CENPW: variants seen among roughly 807,000 people sequenced by gnomAD.
CENPW encodes centromere protein W, also known as cancer-up-regulated gene 2 protein.
CENPW carries 3 observed loss-of-function variants against 11.1 expected under a neutral mutation model. The observed-to-expected ratio is 0.27, with a 90% CI of 0.12 to 0.70. CENPW has a LOEUF of 0.70. Ranked by LOEUF, CENPW falls within the 30% of genes least tolerant of loss-of-function variation. The pLI, the probability that CENPW is intolerant of heterozygous loss-of-function variation, is 0.77. For missense variants in CENPW, 100 were observed against 105.6 expected, an observed-to-expected ratio of 0.95 and a Z score of 0.23; for synonymous variants, 38 against 42.0, an observed-to-expected ratio of 0.91 and a Z score of 0.37.
the CENPW span, among the ~76,000 whole-genome samples, chr6:126,378,261 A>G: frequency 1.3e-5 from 2 of 152,172 alleles, no homozygotes; most frequent in Admixed American, 1.3e-4. Flanking sequence ...TCATACATTG[A>G]TACAATTATT....
the CENPW span, among the ~76,000 whole-genome samples, chr6:126,417,916 A>G: frequency 6.6e-6 from 1 of 152,224 alleles, no homozygotes; most frequent in Non-Finnish European, 1.5e-5. Flanking sequence ...TTAAAATTCA[A>G]TAATATAAGT....
chr6:126,383,925 A>T, the CENPW span, among the ~76,000 whole-genome samples: 92 of 151,980 alleles, frequency 6.1e-4, no homozygotes, highest in Middle Eastern at 6.8e-3. Flanking sequence ...CCTGATAGAC[A>T]TCTACAGAGC....
At chr6:126,457,048 T>C in the CENPW span, among the ~76,000 whole-genome samples, 1 of 151,382 alleles carries the variant, frequency 6.6e-6, no homozygotes, top group Non-Finnish European at 1.5e-5. Context: ...AAATAATGGA[T>C]GCTGGCAAGG....
chr6:126,379,107 A>G, the CENPW span, among the ~76,000 whole-genome samples: 7 of 152,166 alleles, frequency 4.6e-5, no homozygotes, highest in African/African-American at 1.7e-4. Flanking sequence ...TAATGCTGAA[A>G]AATTAGTAAA....
chr6:126,442,203 G>A, the CENPW span, among the ~76,000 whole-genome samples: 1 of 151,614 alleles, frequency 6.6e-6, no homozygotes, highest in Non-Finnish European at 1.5e-5. Flanking sequence ...CTGATAATTA[G>A]CGATGTTGAG....
the CENPW span, among the ~76,000 whole-genome samples, chr6:126,478,840 C>T: frequency 4.6e-5 from 7 of 151,902 alleles, no homozygotes; most frequent in South Asian, 4.1e-4. Context: ...TATCTGGACA[C>T]GAAAAGAAAC....
At chr6:126,472,485 C>A in the CENPW span, among the ~76,000 whole-genome samples, 1 of 152,166 alleles carries the variant, frequency 6.6e-6, no homozygotes, top group Non-Finnish European at 1.5e-5. Context: ...GTGCATGTAT[C>A]AATAGTTCAT....
At chr6:126,411,707 T>C in the CENPW span, among the ~76,000 whole-genome samples, 1 of 152,048 alleles carries the variant, frequency 6.6e-6, no homozygotes, top group African/African-American at 2.4e-5. Flanking sequence ...AAAGGAATGC[T>C]CTGGAGGTTT....
chr6:126,468,470 A>G, the CENPW span, among the ~76,000 whole-genome samples: 1 of 150,908 alleles, frequency 6.6e-6, no homozygotes, highest in Non-Finnish European at 1.5e-5. Flanking sequence ...GCAACTAAAT[A>G]TGCAGTATTT....
the CENPW span, among the ~76,000 whole-genome samples, chr6:126,411,745 T>C: frequency 6.6e-6 from 1 of 152,098 alleles, no homozygotes; most frequent in African/African-American, 2.4e-5. Context: ...AAGCTTCAAT[T>C]TGGGAACCTG....
the CENPW span, among the ~76,000 whole-genome samples, chr6:126,407,590 GCAT>G: frequency 6.6e-6 from 1 of 152,132 alleles, no homozygotes; most frequent in South Asian, 2.1e-4. Context: ...AACCTTGCCA[GCAT>G]CTGTTGTTTC....
the CENPW span, among the ~76,000 whole-genome samples, chr6:126,359,073 G>T: frequency 6.6e-6 from 1 of 151,630 alleles, no homozygotes; most frequent in South Asian, 2.1e-4. Flanking sequence ...TAGCACTACA[G>T]AATTTCCTCT....
the CENPW span, among the ~76,000 whole-genome samples, chr6:126,443,777 G>C: frequency 1.3e-5 from 2 of 150,898 alleles, no homozygotes; most frequent in Non-Finnish European, 3.0e-5. Flanking sequence ...TATTACTACT[G>C]CTCCTTATAT....
chr6:126,354,670 C>T, the CENPW span, among the ~76,000 whole-genome samples: 1 of 152,082 alleles, frequency 6.6e-6, no homozygotes, highest in African/African-American at 2.4e-5. Flanking sequence ...TAAATGTCTC[C>T]GTGGTAAAAT....
the CENPW span, among the ~76,000 whole-genome samples, chr6:126,443,147 T>C: frequency 2.0e-5 from 3 of 151,440 alleles, no homozygotes; most frequent in African/African-American, 7.2e-5. Flanking sequence ...TAAAATTTTC[T>C]CAATTGCTTC....
chr6:126,434,366 G>A, the CENPW span, among the ~76,000 whole-genome samples: 3 of 151,870 alleles, frequency 2.0e-5, no homozygotes, highest in South Asian at 4.2e-4. Context: ...TGGTCTAGAG[G>A]GTCATTTTGA....
At chr6:126,448,444 G>A in the CENPW span, among the ~76,000 whole-genome samples, 4 of 151,212 alleles carry the variant, frequency 2.6e-5, no homozygotes, top group Admixed American at 6.6e-5. Flanking sequence ...GCATCAGAAA[G>A]TTGGAGAACA....
the CENPW span, among the ~76,000 whole-genome samples, chr6:126,379,566 G>T: frequency 6.6e-6 from 1 of 152,130 alleles, no homozygotes; most frequent in African/African-American, 2.4e-5. Context: ...ACCTACACTG[G>T]TTTATTCCAA....
At chr6:126,374,813 T>G in the CENPW span, among the ~76,000 whole-genome samples, 1 of 152,222 alleles carries the variant, frequency 6.6e-6, no homozygotes, top group Non-Finnish European at 1.5e-5. Context: ...ACTAGCTATA[T>G]GAGTAGCTCA....
Sources: gnomAD v4.1 joint callset for allele counts (sites outside exome capture counted in the v4.1 genomes callset) on GRCh38, gnomAD v4.1.1 for gene constraint, MANE v1.5 for transcripts, NCBI Gene and HGNC (gene_info 2026-07-23, HGNC 2026-07-21) for gene names.